The following VILL variants were observed in gnomAD, a reference collection of about 807,000 sequenced individuals.
VILL encodes villin-like protein.
In VILL, 102 loss-of-function variants were observed where a neutral mutation model predicts 106.3. The ratio of observed to expected loss-of-function variants is 0.96; its 90% confidence interval spans 0.82 to 1.13. VILL has a LOEUF of 1.13. Ranked by LOEUF, VILL falls within the 50% of genes most tolerant of loss-of-function variation. The probability of loss-of-function intolerance (pLI) is 0.00; values close to 1 mark genes in which losing one functional copy is unlikely to be tolerated. For synonymous variants in VILL, 431 were observed against 440.3 expected (o/e 0.98, Z 0.27); for missense variants, 1,076 against 1,116.6 (o/e 0.96, Z 0.52).
At chr3:37,995,492 T>C (rs372227930) in intron 4 of VILL, among the ~76,000 whole-genome samples, 1 of 152,260 alleles carries the variant, frequency 6.6e-6, no homozygotes, top group Admixed American at 6.5e-5. Flanking sequence ...TGTATGTACA[T>C]GTACACATAT....
rs1256049367 is a variant in VILL, at chr3:37,998,361, T to C, written c.939T>C (p.Ala313=). ...LQERKAAFSR[A]VGFIQAKGYP... ...AGAGAAAGGCTGCCTTCAGCCGGGC[T>C]GTGGTGAGCCCTGGGGCTCTGTCTG... is the stretch of plus-strand genomic sequence containing the variant. Residue 313 remains alanine, a synonymous_variant, in exon 9 of 20, where the codon GCT becomes GCC. Coordinates refer to ENST00000383759, the MANE Select transcript of VILL (RefSeq NM_015873.4). The surrounding 1 kb of genome is among the most constrained non-coding windows in gnomAD (Gnocchi z 4.1). 1 of 1,614,112 alleles carries C rather than the reference T, an allele frequency of 6.2e-7. No homozygotes were observed. The highest frequency in any genetic ancestry group is 1.1e-5 in the South Asian group (1 of 91,084).
At position 38,005,968 on chromosome 3, in the gene VILL, G is replaced by C. The variant is rs1317025210; in HGVS notation, c.2127G>C (p.Lys709Asn). ...IGWFFTWDPY[K>N]WTSHPSHKEV... is the part of the protein sequence containing the mutation. ...GGTTCTTCACTTGGGACCCCTACAA[G>C]TGGACTGTGAGTGAGGCCTGAAACC... The change falls in exon 17 of 20, where the codon AAG (lysine) becomes AAC (asparagine). Residue 709 changes from lysine to asparagine, a missense_variant. Transcript: ENST00000383759. 2 of 1,611,082 alleles carry C rather than the reference G, an allele frequency of 1.2e-6. No homozygotes were observed. The highest frequency in any genetic ancestry group is 3.3e-5 in the Admixed American group (2 of 59,820).
rs535731298 is a variant in VILL, at chr3:38,007,160, G to A, written c.*105G>A. On this transcript the variant is annotated 3_prime_UTR_variant, in exon 20 of 20. Coordinates refer to ENST00000383759, the MANE Select transcript of VILL (RefSeq NM_015873.4). ...TCAGAGGCTTTTGGTCATCCTCTGC[G>A]TGTCAGTAAAAGCAGGCAGCCCATA... 1.8e-3 allele frequency: 1,713 copies of A among 952,522 alleles called. 20 individuals carry two copies. Among genetic ancestry groups the A allele is most frequent in the Non-Finnish European group, 2.1e-4 (132 of 615,350 alleles). The allele number at this position is 952,522 out of a possible 1,614,324, so 59.0% of individuals were successfully genotyped here.
chr3:37,997,738 TC>T lies in VILL; in HGVS notation c.764+55del. On this transcript the variant is annotated intron_variant, in intron 7 of 19. Coordinates refer to ENST00000383759, the MANE Select transcript of VILL (RefSeq NM_015873.4). The surrounding 1 kb of genome is among the most constrained non-coding windows in gnomAD (Gnocchi z 4.7). ...GGGTGGGACAGTCCAGGACTCTGTG[TC>T]CATCACTACTGCAATAACACGGCAT... 1 of 1,558,464 alleles carries T rather than the reference TC, an allele frequency of 6.4e-7. No individual in the cohort carries two copies.
chr3:38,003,094 C>CT, intron 14 of VILL, 74 bp from the exon 15 acceptor site: 1 of 1,553,028 alleles, frequency 6.4e-7, no homozygotes, highest in Non-Finnish European at 8.7e-7. Flanking sequence ...CCCATACACC[C>CT]TGTGAACGGG....
chr3:37,995,693 C>A, intron 4 of VILL, 46 bp from the exon 5 acceptor site: 1 of 1,482,036 alleles, frequency 6.7e-7, no homozygotes, highest in South Asian at 1.1e-5. Flanking sequence ...AGTCTGTGTT[C>A]TTATATACAC....
At chr3:38,004,490 C>T in intron 16 of VILL, 91 bp downstream of exon 16, 2 of 1,503,014 alleles carry the variant, frequency 1.3e-6, no homozygotes, top group Non-Finnish European at 1.8e-6. Flanking sequence ...CCATCTGCCT[C>T]TGTACACAGG....
At position 38,001,778 on chromosome 3, in the gene VILL, T is replaced by A. The variant is rs1464324958; in HGVS notation, c.1397T>A (p.Val466Asp). The A allele has an allele frequency of 6.2e-7, 1 of 1,614,254 alleles. No individual in the cohort carries two copies. The highest frequency in any genetic ancestry group is 1.7e-5 in the Admixed American group (1 of 60,034). Reference protein sequence around the residue: ...AEELDVMYGGVLVQEHVTMGS... With the variant: ...AEELDVMYGGDLVQEHVTMGS... ...GAACTAGATGTCATGTATGGTGGCGTCCTAGTACAGGAGCATGTGACCATG... is the reference window on the plus strand; with the variant it reads ...GAACTAGATGTCATGTATGGTGGCGACCTAGTACAGGAGCATGTGACCATG... The change falls in exon 13 of 20, where the codon GTC becomes GAC. Residue 466 changes from valine (V) to aspartate (D), a missense_variant. By Grantham distance (152) the Val-to-Asp change is radical (BLOSUM62 -3). Transcript: ENST00000383759.
intron 16 of VILL, 144 bp from the exon 17 acceptor site, chr3:38,005,648 C>T (rs1699903118): frequency 3.7e-6 from 3 of 816,380 alleles, no homozygotes; most frequent in Non-Finnish European, 5.6e-6. Context: ...TGTGTGGGTA[C>T]AGCCGCTTGC....
In VILL at chr3:37,994,413, G is replaced by A; in HGVS notation, c.288G>A (p.Glu96=). Residue 96 remains glutamate, a synonymous_variant, in exon 4 of 20, where the codon GAG becomes GAA. Transcript: ENST00000383759. ...ELGGQTVLHR[E]AQGHESDCFC... Reference sequence around the variant, plus strand: ...GGGGCCAGACCGTGCTGCACCGCGAGGCGCAGGGCCACGAGTCCGACTGCT... The same window carrying A: ...GGGGCCAGACCGTGCTGCACCGCGAAGCGCAGGGCCACGAGTCCGACTGCT... 2 of 1,612,682 alleles carry A rather than the reference G, an allele frequency of 1.2e-6. No homozygotes were observed. The highest frequency in any genetic ancestry group is 1.7e-6 in the Non-Finnish European group (2 of 1,179,864).
At position 37,997,678 on chromosome 3, in the gene VILL, C is replaced by G. The variant is rs1699729958; in HGVS notation, c.757C>G (p.Leu253Val). The change falls in exon 7 of 20, where the codon CTG (leucine) becomes GTG (valine). Residue 253 changes from leucine to valine, a missense_variant. Leu to Val is a conservative substitution (Grantham distance 32). Coordinates refer to ENST00000383759, the MANE Select transcript of VILL (RefSeq NM_015873.4). This position sits in a 1 kb window ranked among gnomAD's most constrained non-coding sequence, Gnocchi z 4.7. ...INQLQKANVR[L>V]YHVYEKGKDL... Reference sequence around the variant, plus strand: ...CCAGCTGCAGAAGGCCAATGTTCGCCTGTACCAGTGAGTACCCCTGGGGTG... The same window carrying G: ...CCAGCTGCAGAAGGCCAATGTTCGCGTGTACCAGTGAGTACCCCTGGGGTG... 7.3e-7 allele frequency: 1 copy of G among 1,362,800 alleles called. No homozygotes were observed. Among genetic ancestry groups the G allele is most frequent in the Non-Finnish European group, 9.8e-7 (1 of 1,015,900 alleles). The allele number at this position is 1,362,800 out of a possible 1,614,324, so 84.4% of individuals were successfully genotyped here. A position where few individuals can be genotyped will look rare whatever the true frequency, so the allele number is the denominator to read the frequency against.
rs1415888625 is a variant in VILL, at chr3:38,001,683, T to G, written c.1321-19T>G. On this transcript the variant is annotated intron_variant, in intron 12 of 19. Coordinates refer to ENST00000383759, the MANE Select transcript of VILL (RefSeq NM_015873.4). The stretch of plus-strand genomic sequence containing the variant: ...TGTGAGAGCTGGGCCAGGCCCTCAC[T>G]CACTGCCCCCACCTGCAGGGCCACC... 1 of 1,613,958 alleles carries G rather than the reference T, an allele frequency of 6.2e-7. No homozygotes were observed. The highest frequency in any genetic ancestry group is 2.2e-5 in the East Asian group (1 of 44,872).
Position 38,005,789 on chromosome 3 carries a change from C to T in VILL, c.1951-3C>T. 1 of 1,606,856 alleles carries T rather than the reference C, an allele frequency of 6.2e-7. No homozygotes were observed. The highest frequency in any genetic ancestry group is 8.5e-7 in the Non-Finnish European group (1 of 1,176,224). The stretch of plus-strand genomic sequence containing the variant: ...CCAAGGCCAGGTCCCCTCTGTGGCT[C>T]AGATCTTCCTGTGGCTTGGGGAAGC... On this transcript the variant is annotated splice_region_variant and splice_polypyrimidine_tract_variant and intron_variant, in intron 16 of 19. Transcript: ENST00000383759.
intron 14 of VILL, chr3:38,002,831 G>T (rs889680679): frequency 5.4e-5 from 30 of 552,052 alleles, no homozygotes; most frequent in Non-Finnish European, 7.8e-5. Context: ...CACAGGGCAT[G>T]TCCCTTCCCA....
intron 5 of VILL, 110 bp downstream of exon 5, chr3:37,995,957 A>T: frequency 1.2e-6 from 1 of 801,222 alleles, no homozygotes; most frequent in South Asian, 1.5e-5. Context: ...AGGAGCTGTC[A>T]GCATTCCCAG....
In VILL at chr3:37,998,054, G is replaced by T. The variant is rs1284536753; in HGVS notation, c.765-36G>T. ...TGGAGTGGAGACAGATCAGGGAGGG[G>T]CTGGGCTGGCCACTCCTGGGTTCCT... On this transcript the variant is annotated intron_variant, in intron 7 of 19. Transcript: ENST00000383759. The surrounding 1 kb of genome is among the most constrained non-coding windows in gnomAD (Gnocchi z 4.1). 1 of 1,561,998 alleles carries T rather than the reference G, an allele frequency of 6.4e-7. No individual in the cohort carries two copies. The highest frequency in any genetic ancestry group is 1.8e-5 in the Admixed American group (1 of 54,098).
chr3:38,006,331 A>G, intron 18 of VILL, 79 bp downstream of exon 18: 1 of 1,608,114 alleles, frequency 6.2e-7, no homozygotes, highest in Non-Finnish European at 8.5e-7. Context: ...GGGAAGTGCC[A>G]GGCCCTTGTA....
chr3:37,989,588 C>T (rs947919219), upstream of VILL, among the ~76,000 whole-genome samples: 2 of 151,982 alleles, frequency 1.3e-5, no homozygotes, highest in East Asian at 1.9e-4. Context: ...ACAAACAGAG[C>T]GGGTGGGCTG....
Position 38,007,068 on chromosome 3 carries a change from T to G in VILL, c.*13T>G, listed in dbSNP as rs141520866. 9.3e-3 allele frequency: 15,015 copies of G among 1,609,066 alleles called. 135 individuals carry two copies. Among genetic ancestry groups the G allele is most frequent in the Non-Finnish European group, 9.3e-3 (10,952 of 1,175,714 alleles). ...GGGCTTCTTCTGAACCCAAGCCCTC[T>G]CGACTGCCCCTATCCCCTGGACCCC... On this transcript the variant is annotated 3_prime_UTR_variant, in exon 20 of 20. Transcript: ENST00000383759.
Sources: allele counts gnomAD v4.1 joint callset (sites outside exome capture counted in the v4.1 genomes callset), GRCh38; gene constraint gnomAD v4.1.1; non-coding constraint Gnocchi (gnomAD v3.1); transcripts MANE v1.5; gene names NCBI Gene and HGNC (gene_info 2026-07-23, HGNC 2026-07-21).